The following FBXL17 variants were observed in gnomAD, a reference collection of about 807,000 sequenced individuals.
FBXL17 encodes F-box/LRR-repeat protein 17.
Under a neutral mutation model 66.2 loss-of-function variants are expected in FBXL17, and 22 were observed. The ratio of observed to expected loss-of-function variants is 0.33; its 90% CI spans 0.24 to 0.47. The LOEUF (loss-of-function observed/expected upper bound fraction) is 0.47. FBXL17 is among the 20% of genes least tolerant of loss of function. The pLI is 1.00. For synonymous variants in FBXL17, 474 were observed against 400.5 expected (o/e 1.18, Z -2.19); for missense variants, 878 against 948.2 (o/e 0.93, Z 0.97).
At chr5:108,276,681 A>G (rs1277760602) in intron 4 of FBXL17, among the ~76,000 whole-genome samples, 2 of 152,156 alleles carry the variant, frequency 1.3e-5, no homozygotes, top group Non-Finnish European at 2.9e-5. Flanking sequence ...AATCCAAACA[A>G]GTTAAGAATT....
chr5:108,233,196 T>C (rs1440892106), intron 4 of FBXL17, among the ~76,000 whole-genome samples: 1 of 152,122 alleles, frequency 6.6e-6, no homozygotes, highest in Admixed American at 6.6e-5. Flanking sequence ...TTTTGCACTC[T>C]GTGCCTTATC....
chr5:107,894,958 G>C (rs1749324471), intron 7 of FBXL17, among the ~76,000 whole-genome samples: 2 of 151,956 alleles, frequency 1.3e-5, no homozygotes, highest in Non-Finnish European at 2.9e-5. Context: ...AATCTCTTAG[G>C]AATCAGTTCT....
intron 6 of FBXL17, among the ~76,000 whole-genome samples, chr5:108,096,357 A>C (rs1377396594): frequency 6.6e-6 from 1 of 152,196 alleles, no homozygotes; most frequent in Non-Finnish European, 1.5e-5. Context: ...TAGGCAGTTA[A>C]CCACATAGGA....
intron 6 of FBXL17, among the ~76,000 whole-genome samples, chr5:108,173,179 A>G (rs1216822405): frequency 2.6e-5 from 4 of 152,172 alleles, no homozygotes; most frequent in Admixed American, 2.6e-4. Flanking sequence ...GCACTACTAG[A>G]AAACATGAAG....
At chr5:108,057,015 T>C (rs1173111159) in intron 6 of FBXL17, among the ~76,000 whole-genome samples, 1 of 152,180 alleles carries the variant, frequency 6.6e-6, no homozygotes, top group African/African-American at 2.4e-5. Flanking sequence ...TTCAAAAGAA[T>C]AGAGATTTAA....
intron 6 of FBXL17, among the ~76,000 whole-genome samples, chr5:108,085,119 T>C (rs1748919186): frequency 1.3e-5 from 2 of 152,210 alleles, no homozygotes; most frequent in South Asian, 4.1e-4. Context: ...AATTTCAAAT[T>C]TTGATTACAT....
chr5:108,183,679 A>G (rs559534594), intron 6 of FBXL17, among the ~76,000 whole-genome samples: 2 of 152,228 alleles, frequency 1.3e-5, no homozygotes, highest in South Asian at 2.1e-4. Flanking sequence ...TGAATAGTGC[A>G]CATTGTACCC....
intron 7 of FBXL17, among the ~76,000 whole-genome samples, chr5:108,006,127 A>G (rs1387476270): frequency 1.3e-5 from 2 of 152,242 alleles, no homozygotes; most frequent in African/African-American, 4.8e-5. Context: ...AGGCACCGGA[A>G]TGTTTAAATT....
chr5:108,129,727 T>C (rs548790239), intron 6 of FBXL17, among the ~76,000 whole-genome samples: 2 of 152,060 alleles, frequency 1.3e-5, no homozygotes, highest in South Asian at 4.1e-4. Flanking sequence ...ATTACCACAA[T>C]AGATTGCTAA....
rs1754579644 is a variant in FBXL17, at chr5:108,021,053, G to A, written c.1746-52C>T. 5.3e-6 allele frequency: 7 copies of A among 1,332,768 alleles called. No homozygotes were observed. In the East Asian group the frequency reaches 1.6e-4, roughly 31 times the overall value. The allele number at this position is 1,332,768 out of a possible 1,614,324, so 82.6% of individuals were successfully genotyped here. On this transcript the variant is annotated intron_variant, in intron 6 of 8. Coordinates refer to ENST00000542267, the MANE Select transcript of FBXL17 (RefSeq NM_001163315.3). ...TAATGCGTTTCAAGTTAAATTAGCA[G>A]GGGTTTGAATATAATAGGAAGAGGT...
intron 7 of FBXL17, among the ~76,000 whole-genome samples, chr5:107,897,474 C>G (rs1008157091): frequency 1.3e-5 from 2 of 152,092 alleles, no homozygotes; most frequent in Admixed American, 1.3e-4. Flanking sequence ...GGACTGGATC[C>G]TTGGATGCTT....
chr5:108,104,156 C>T (rs1364715138), intron 6 of FBXL17, among the ~76,000 whole-genome samples: 3 of 152,232 alleles, frequency 2.0e-5, no homozygotes, highest in East Asian at 3.9e-4. Context: ...CTGCCTCAGC[C>T]TCCCGAGTAG....
chr5:108,381,180 C>T lies in FBXL17; in HGVS notation c.512G>A (p.Gly171Glu). 1 of 1,432,906 alleles carries T rather than the reference C, an allele frequency of 7.0e-7. No individual in the cohort carries two copies. The highest frequency in any genetic ancestry group is 9.1e-7 in the Non-Finnish European group (1 of 1,095,078). The allele number at this position is 1,432,906 out of a possible 1,614,324, so 88.8% of individuals were successfully genotyped here. A position where few individuals can be genotyped will look rare whatever the true frequency, so the allele number is the denominator to read the frequency against. The change falls in exon 1 of 9, where the codon GGG (glycine) becomes GAG (glutamate). Residue 171 changes from glycine (G) to glutamate (E), a missense_variant. Physicochemically the swap from Gly to Glu is moderately conservative, Grantham distance 98. Coordinates refer to ENST00000542267, the MANE Select transcript of FBXL17 (RefSeq NM_001163315.3). ...GAAGAGCTGCACGGCGGCGGGCGGC[C>T]CCAGGAAGCGCACCGGCCCCAAGCT... ...LASLGPVRFL[G>E]PPAAVQLFRG...
intron 7 of FBXL17, among the ~76,000 whole-genome samples, chr5:108,020,577 A>G (rs1754555018): frequency 6.6e-6 from 1 of 151,854 alleles, no homozygotes; most frequent in Non-Finnish European, 1.5e-5. Flanking sequence ...ACTCAATGTA[A>G]TAATTTTCTT....
chr5:108,040,760 G>T (rs2112802539), intron 6 of FBXL17, among the ~76,000 whole-genome samples: 1 of 152,262 alleles, frequency 6.6e-6, no homozygotes, highest in East Asian at 1.9e-4. Context: ...GGAATAAAGA[G>T]GTAACTTCTG....
intron 6 of FBXL17, among the ~76,000 whole-genome samples, chr5:108,088,777 C>A (rs1456005396): frequency 7.2e-6 from 1 of 139,824 alleles, no homozygotes; most frequent in African/African-American, 2.6e-5. Context: ...TCTATCCCTT[C>A]TCACTCTATT....
At chr5:108,230,628 C>T (rs1755291021) in intron 4 of FBXL17, among the ~76,000 whole-genome samples, 1 of 151,806 alleles carries the variant, frequency 6.6e-6, no homozygotes, top group Non-Finnish European at 1.5e-5. Context: ...GTGTATACTG[C>T]TCGGGTGATG....
chr5:108,154,273 A>G lies in FBXL17; in HGVS notation c.1745+31844T>C, dbSNP rs533800050. 7.1e-5 allele frequency among the ~76,000 whole-genome samples: 10 copies of G among 139,926 alleles called. 1 individual carries two copies. The South Asian group carries it at 2.5e-3, about 35-fold the overall frequency. 91.8% of individuals were successfully genotyped at this position (139,926 alleles called of 152,430 possible). A position where few individuals can be genotyped will look rare whatever the true frequency, so the allele number is the denominator to read the frequency against. ...GGAGGAAAAAAAGAAAACAGTGTGG[A>G]AAGGATCACAGCTGAAAAAAAAAAA... is the stretch of plus-strand genomic sequence containing the variant. On this transcript the variant is annotated intron_variant, in intron 6 of 8. Coordinates refer to ENST00000542267, the MANE Select transcript of FBXL17 (RefSeq NM_001163315.3).
At chr5:108,275,077 C>A (rs1311982020) in intron 4 of FBXL17, among the ~76,000 whole-genome samples, 1 of 152,198 alleles carries the variant, frequency 6.6e-6, no homozygotes, top group Admixed American at 6.5e-5. Flanking sequence ...CCACAAATAA[C>A]TAACTCAGAA....
Sources: gnomAD v4.1 joint callset for allele counts (sites outside exome capture counted in the v4.1 genomes callset) on GRCh38, gnomAD v4.1.1 for gene constraint, MANE v1.5 for transcripts, NCBI Gene and HGNC (gene_info 2026-07-23, HGNC 2026-07-21) for gene names.